ADAM32: variants seen among roughly 807,000 people sequenced by gnomAD.
ADAM32 encodes ADAM metallopeptidase domain 32, also known as disintegrin and metalloproteinase domain-containing protein 32.
In ADAM32, 89 loss-of-function variants were observed where a neutral mutation model predicts 114.9. The ratio of observed to expected loss-of-function variants is 0.77; its 90% CI spans 0.65 to 0.92. The LOEUF (loss-of-function observed/expected upper bound fraction) is 0.92, where lower values mean the gene tolerates loss of function less well. Among genes scored for constraint, ADAM32 ranks in the 40% least tolerant of loss-of-function variants. The pLI is 0.00. For missense variants in ADAM32, 870 were observed against 932.8 expected (o/e 0.93, Z 0.88); for synonymous variants, 285 against 307.5 (o/e 0.93, Z 0.77).
At chr8:39,263,185 C>T (rs974993311) in intron 19 of ADAM32, among the ~76,000 whole-genome samples, 3 of 151,884 alleles carry the variant, frequency 2.0e-5, no homozygotes, top group South Asian at 2.1e-4. Flanking sequence ...AATTTTTTTG[C>T]TTTATGTTCA....
At chr8:39,129,810 T>G (rs996220708) in intron 2 of ADAM32, 4 of 314,166 alleles carry the variant, frequency 1.3e-5, no homozygotes, top group African/African-American at 8.7e-5. Context: ...CCTTTCTTTT[T>G]GGGAAGATTT....
chr8:39,265,964 T>G (rs1181885440), intron 19 of ADAM32, among the ~76,000 whole-genome samples: 2 of 152,210 alleles, frequency 1.3e-5, no homozygotes, highest in Non-Finnish European at 2.9e-5. Context: ...GAAATTTCCT[T>G]TCTTTAAGGA....
intron 10 of ADAM32, among the ~76,000 whole-genome samples, chr8:39,181,682 G>A (rs1193156335): frequency 2.0e-5 from 3 of 152,192 alleles, no homozygotes; most frequent in African/African-American, 7.2e-5. Context: ...GTATGTAAAG[G>A]AATTTGAACT....
At chr8:39,159,526 G>C (rs1804355460) in intron 6 of ADAM32, among the ~76,000 whole-genome samples, 1 of 152,204 alleles carries the variant, frequency 6.6e-6, no homozygotes, top group South Asian at 2.1e-4. Flanking sequence ...GTATATGCCT[G>C]AGGTTTTCAA....
At chr8:39,181,730 A>G (rs1038911903) in intron 10 of ADAM32, among the ~76,000 whole-genome samples, 35 of 152,242 alleles carry the variant, frequency 2.3e-4, no homozygotes, top group African/African-American at 7.5e-4. Context: ...GAAGTTAGGA[A>G]CAGTGAAAAT....
intron 15 of ADAM32, 79 bp downstream of exon 15, chr8:39,232,214 C>A: frequency 8.7e-7 from 1 of 1,153,178 alleles, no homozygotes; most frequent in South Asian, 1.5e-5. Flanking sequence ...CTGTGTCATT[C>A]ATTCCAGTGG....
Position 39,185,559 on chromosome 8 carries a change from C to T in ADAM32, c.916-1350C>T, listed in dbSNP as rs1806183880. Among the ~76,000 whole-genome samples the T allele has an allele frequency of 2.0e-5, 3 of 152,184 alleles. No individual in the cohort carries two copies. In the South Asian group the frequency reaches 6.2e-4, roughly 31 times the overall value. On this transcript the variant is annotated intron_variant, in intron 10 of 24. Coordinates refer to ENST00000379907, the MANE Select transcript of ADAM32 (RefSeq NM_145004.7). ...TGAAACTCAGCACTTTTTCACCATA[C>T]AGTATGCCAGGAAAGCTCTAGTATT... is the stretch of plus-strand genomic sequence containing the variant.
At chr8:39,213,500 C>T (rs2129448446) in intron 12 of ADAM32, among the ~76,000 whole-genome samples, 1 of 152,074 alleles carries the variant, frequency 6.6e-6, no homozygotes, top group Admixed American at 6.5e-5. Context: ...TAAAAAATTT[C>T]TAATTTTTGT....
chr8:39,157,403 G>A, intron 6 of ADAM32: 2 of 211,726 alleles, frequency 9.4e-6, no homozygotes, highest in South Asian at 1.6e-4. Flanking sequence ...TCTTCTGCTA[G>A]GAACTCTTCT....
chr8:39,129,799 G>T, intron 2 of ADAM32: 3 of 303,216 alleles, frequency 9.9e-6, no homozygotes, highest in South Asian at 2.8e-5. Flanking sequence ...CTGCACCTTG[G>T]CCTTTCTTTT....
At chr8:39,194,460 C>T (rs1179757270) in intron 11 of ADAM32, among the ~76,000 whole-genome samples, 1 of 152,150 alleles carries the variant, frequency 6.6e-6, no homozygotes. Flanking sequence ...CACACACAGA[C>T]ACACACACCA....
intron 11 of ADAM32, among the ~76,000 whole-genome samples, chr8:39,190,463 C>T (rs138604053): frequency 2.0e-5 from 3 of 152,272 alleles, no homozygotes; most frequent in African/African-American, 4.8e-5. Flanking sequence ...TTTTGAGAAA[C>T]CTCCACAATA....
intron 17 of ADAM32, among the ~76,000 whole-genome samples, chr8:39,251,698 C>A (rs541211216): frequency 6.6e-4 from 100 of 151,826 alleles, no homozygotes; most frequent in African/African-American, 2.4e-3. Flanking sequence ...GCTTCTTTTG[C>A]TGTGTAGAAG....
At chr8:39,115,183 G>T (rs992455068) in intron 1 of ADAM32, among the ~76,000 whole-genome samples, 10 of 152,314 alleles carry the variant, frequency 6.6e-5, no homozygotes, top group Middle Eastern at 6.8e-3. Flanking sequence ...GAATATACGT[G>T]TGCATGTGTC....
intron 17 of ADAM32, among the ~76,000 whole-genome samples, chr8:39,253,841 ATCTACAGATTC>A (rs1351314803): frequency 1.3e-5 from 2 of 151,740 alleles, no homozygotes; most frequent in Non-Finnish European, 3.0e-5. Context: ...AGTCAAAATT[ATCTACAGATTC>A]CATGCAATCC....
chr8:39,284,366 CACACACACACGT>C (rs1361606515), intron 24 of ADAM32, among the ~76,000 whole-genome samples: 1 of 148,176 alleles, frequency 6.7e-6, no homozygotes, highest in Admixed American at 6.6e-5. Flanking sequence ...GTTATACACA[CACACACACACGT>C]ACACACACAC....
At chr8:39,244,220 TC>T (rs1810747049) in intron 16 of ADAM32, among the ~76,000 whole-genome samples, 2 of 152,040 alleles carry the variant, frequency 1.3e-5, no homozygotes, top group Non-Finnish European at 1.5e-5. Context: ...TCAATATAAT[TC>T]CCATCAAAAT....
At chr8:39,107,568 G>A, upstream of ADAM32, 1 of 1,363,748 alleles carries the variant, frequency 7.3e-7, no homozygotes, top group Non-Finnish European at 9.5e-7. Flanking sequence ...GCGCCGGGAA[G>A]GGAGCTGGAT....
At chr8:39,154,775 T>C (rs1353497085) in intron 6 of ADAM32, among the ~76,000 whole-genome samples, 1 of 152,226 alleles carries the variant, frequency 6.6e-6, no homozygotes, top group Non-Finnish European at 1.5e-5. Context: ...TTGATTTGCA[T>C]TTCTCTTAAT....
Sources: gnomAD v4.1 joint callset for allele counts (sites outside exome capture counted in the v4.1 genomes callset) on GRCh38, gnomAD v4.1.1 for gene constraint, MANE v1.5 for transcripts, NCBI Gene and HGNC (gene_info 2026-07-23, HGNC 2026-07-21) for gene names.